Variants in PRKN observed in about 807,000 individuals in gnomAD.
PRKN encodes parkin RBR E3 ubiquitin protein ligase, also known as E3 ubiquitin-protein ligase parkin.
In PRKN, 56 loss-of-function variants were observed where a neutral mutation model predicts 59.5. That is an observed-to-expected ratio of 0.94 (90% CI 0.76 to 1.18). PRKN has a LOEUF of 1.18. Among genes scored for constraint, PRKN ranks in the 50% most tolerant of loss-of-function variants. The pLI, the probability that PRKN is intolerant of heterozygous loss-of-function variation, is 0.00. For missense variants in PRKN, 657 were observed against 596.4 expected, an observed-to-expected ratio of 1.10 and a Z score of -1.06; for synonymous variants, 250 against 222.1, an observed-to-expected ratio of 1.13 and a Z score of -1.12.
intron 6 of PRKN, among the ~76,000 whole-genome samples, chr6:161,870,279 C>G (rs1374552393): frequency 6.6e-6 from 1 of 151,818 alleles, no homozygotes; most frequent in Admixed American, 6.6e-5. Context: ...GAAGCCCCCC[C>G]ACAGCTCAGC....
chr6:161,807,358 A>T (rs541618937), intron 6 of PRKN, among the ~76,000 whole-genome samples: 2 of 152,268 alleles, frequency 1.3e-5, no homozygotes, highest in East Asian at 3.9e-4. Context: ...CATATACACA[A>T]ACACATGCAT....
intron 1 of PRKN, among the ~76,000 whole-genome samples, chr6:162,712,395 A>T (rs1358281357): frequency 2.6e-5 from 4 of 152,202 alleles, no homozygotes; most frequent in Non-Finnish European, 5.9e-5. Flanking sequence ...TGCTTGCTAT[A>T]AAAATGGAAG....
intron 2 of PRKN, among the ~76,000 whole-genome samples, chr6:162,398,020 G>C (rs1186435822): frequency 1.5e-5 from 2 of 136,620 alleles, no homozygotes; most frequent in Non-Finnish European, 3.0e-5. Flanking sequence ...CTGGGTGACA[G>C]AGCAGGATTC....
At chr6:162,387,641 G>T (rs1404662537) in intron 2 of PRKN, among the ~76,000 whole-genome samples, 1 of 145,382 alleles carries the variant, frequency 6.9e-6, no homozygotes, top group Non-Finnish European at 1.5e-5. Flanking sequence ...AGTCCCTAAG[G>T]TTCTTAGCCA....
intron 1 of PRKN, among the ~76,000 whole-genome samples, chr6:162,560,853 C>CAAAAAAAAAAA (rs60391138): frequency 0.18 from 10,237 of 56,106 alleles, 2,730 homozygotes; most frequent in African/African-American, 0.37. Context: ...GAGAGAGAGG[C>CAAAAAAAAAAA]AAAAAAAAAA....
intron 4 of PRKN, among the ~76,000 whole-genome samples, chr6:162,198,863 C>T (rs1350459669): frequency 6.6e-6 from 1 of 152,100 alleles, no homozygotes; most frequent in African/African-American, 2.4e-5. Context: ...ATTTAGTCCC[C>T]ACAACACTCT....
Position 161,381,240 on chromosome 6 carries a change from G to A in PRKN, c.1167+5554C>T, listed in dbSNP as rs890474684. 4.6e-5 allele frequency among the ~76,000 whole-genome samples: 7 copies of A among 152,250 alleles called. No individual in the cohort carries two copies. The East Asian group carries it at 1.3e-3, about 29-fold the overall frequency. ...GCCCACTCATCCCCCTCTTTCAAAA[G>A]GCAGAGTGACCAGTAAGAACAATGG... is the stretch of plus-strand genomic sequence containing the variant. On this transcript the variant is annotated intron_variant, in intron 10 of 11. Transcript: ENST00000366898.
In PRKN at chr6:161,803,631, G is replaced by A. The variant is rs575719675; in HGVS notation, c.735-17723C>T. Among the ~76,000 whole-genome samples the A allele has an allele frequency of 5.9e-5, 9 of 152,240 alleles. No individual in the cohort carries two copies. In the East Asian group the frequency reaches 7.7e-4, roughly 13 times the overall value. On this transcript the variant is annotated intron_variant, in intron 6 of 11. Transcript: ENST00000366898. ...GCCGAGAGGTGTGAGAAGGCTGGAC[G>A]TAGTGTCAGGGGCCAGTGAGCTGCC...
intron 9 of PRKN, among the ~76,000 whole-genome samples, chr6:161,411,251 C>A (rs577057140): frequency 4.6e-5 from 7 of 152,050 alleles, no homozygotes; most frequent in African/African-American, 1.7e-4. Context: ...TGGAGATAAT[C>A]GAATCATGGG....
intron 6 of PRKN, among the ~76,000 whole-genome samples, chr6:161,843,073 G>T (rs954730115): frequency 6.6e-5 from 10 of 152,116 alleles, no homozygotes; most frequent in Non-Finnish European, 1.5e-4. Context: ...ATTTAAATTG[G>T]CTTCACCCAG....
intron 4 of PRKN, among the ~76,000 whole-genome samples, chr6:162,193,756 A>C (rs1203993774): frequency 3.9e-5 from 6 of 152,132 alleles, no homozygotes; most frequent in Non-Finnish European, 8.8e-5. Flanking sequence ...AAAGTTCTAA[A>C]ATTTGATTAT....
At chr6:162,510,428 G>A (rs186155334) in intron 1 of PRKN, among the ~76,000 whole-genome samples, 7 of 152,128 alleles carry the variant, frequency 4.6e-5, no homozygotes, top group Admixed American at 6.6e-5. Context: ...GTCTGGCCAC[G>A]ATCAAATCTC....
chr6:162,606,463 A>C (rs2128218033), intron 1 of PRKN, among the ~76,000 whole-genome samples: 1 of 152,350 alleles, frequency 6.6e-6, no homozygotes, highest in South Asian at 2.1e-4. Flanking sequence ...TACTTGAAGT[A>C]ACGTTTGAAC....
At chr6:161,897,775 A>G (rs1008626370) in intron 6 of PRKN, among the ~76,000 whole-genome samples, 1 of 150,092 alleles carries the variant, frequency 6.7e-6, no homozygotes, top group African/African-American at 2.5e-5. Context: ...AGGTCAGGAG[A>G]TCGAGACCAA....
At position 161,937,905 on chromosome 6, in the gene PRKN, C is replaced by A. The variant is rs140901638; in HGVS notation, c.734+35397G>T. Among the ~76,000 whole-genome samples, 582 of 152,188 alleles carry A rather than the reference C, an allele frequency of 3.8e-3. 4 individuals are homozygous for A. The highest frequency in any genetic ancestry group is 0.013 in the African/African-American group (557 of 41,520). ...ATCAAACGAAACATTTCTAAATGAT[C>A]CCTGATTTTTACTGACACTCCAGAT... On this transcript the variant is annotated intron_variant, in intron 6 of 11. Transcript: ENST00000366898.
At chr6:161,744,981 T>G (rs1788354557) in intron 7 of PRKN, among the ~76,000 whole-genome samples, 1 of 152,198 alleles carries the variant, frequency 6.6e-6, no homozygotes, top group South Asian at 2.1e-4. Context: ...ACTTGGTAGA[T>G]GAGAAAGCAG....
chr6:162,464,582 G>A (rs1791328198), intron 1 of PRKN, among the ~76,000 whole-genome samples: 1 of 150,730 alleles, frequency 6.6e-6, no homozygotes, highest in Non-Finnish European at 1.5e-5. Context: ...TTGGGAGGCC[G>A]AGGCGTGTGG....
At chr6:161,933,710 A>G (rs985183145) in intron 6 of PRKN, among the ~76,000 whole-genome samples, 17 of 151,750 alleles carry the variant, frequency 1.1e-4, no homozygotes, top group Admixed American at 5.3e-4. Context: ...TTCAGACCAC[A>G]CTTTGTCCTA....
At chr6:162,375,453 C>T (rs6902139) in intron 2 of PRKN, among the ~76,000 whole-genome samples, 1 of 150,946 alleles carries the variant, frequency 6.6e-6, no homozygotes, top group Non-Finnish European at 1.5e-5. Flanking sequence ...TACAAAAGAG[C>T]CTTAACATGG....
Sources: gnomAD v4.1 joint callset for allele counts (sites outside exome capture counted in the v4.1 genomes callset) on GRCh38, gnomAD v4.1.1 for gene constraint, MANE v1.5 for transcripts, NCBI Gene and HGNC (gene_info 2026-07-23, HGNC 2026-07-21) for gene names.